Variants in SLC60A1 observed in about 807,000 individuals in gnomAD.
SLC60A1 encodes the protein major facilitator superfamily domain containing 4.
chr1:205,592,199 G>A, the SLC60A1 span: 1 of 1,614,156 alleles, frequency 6.2e-7, no homozygotes, highest in South Asian at 1.1e-5. Context: ...TCGTCTTCCT[G>A]TTCGTGGGGA....
chr1:205,585,915 G>A, the SLC60A1 span: 63 of 1,134,470 alleles, frequency 5.6e-5, no homozygotes, highest in African/African-American at 9.4e-4. This position sits in a 1 kb window ranked among gnomAD's most constrained non-coding sequence, Gnocchi z 4.2. Context: ...GCCTCTGGGA[G>A]TGGGAACAGG....
chr1:205,589,794 G>C, the SLC60A1 span, among the ~76,000 whole-genome samples: 1 of 152,156 alleles, frequency 6.6e-6, no homozygotes, highest in Admixed American at 6.5e-5. Context: ...TGGAAGAACA[G>C]ACTGTAGCTG....
At chr1:205,600,617 T>C in the SLC60A1 span, 1 of 643,632 alleles carries the variant, frequency 1.6e-6, no homozygotes, top group Non-Finnish European at 2.7e-6. Context: ...TTAAATTGAG[T>C]CCTGGTACCT....
the SLC60A1 span, among the ~76,000 whole-genome samples, chr1:205,574,492 C>T: frequency 6.6e-6 from 1 of 152,146 alleles, no homozygotes; most frequent in African/African-American, 2.4e-5. Context: ...TTAATTCACT[C>T]ATTCAACAAA....
chr1:205,597,952 C>T, the SLC60A1 span: 2 of 1,241,582 alleles, frequency 1.6e-6, no homozygotes, highest in Non-Finnish European at 2.4e-6. Flanking sequence ...CTGTCCCTTT[C>T]CTGAGTCTCC....
the SLC60A1 span, chr1:205,600,346 C>G: frequency 6.6e-7 from 1 of 1,524,546 alleles, no homozygotes; most frequent in Non-Finnish European, 9.1e-7. Flanking sequence ...CAGAATGAAT[C>G]ATCACTGCAA....
At chr1:205,578,895 C>A in the SLC60A1 span, among the ~76,000 whole-genome samples, 1 of 152,182 alleles carries the variant, frequency 6.6e-6, no homozygotes, top group African/African-American at 2.4e-5. Flanking sequence ...TCAGACTGGT[C>A]TCAGAAAATA....
the SLC60A1 span, chr1:205,580,939 G>A: frequency 1.9e-6 from 3 of 1,609,718 alleles, no homozygotes; most frequent in Non-Finnish European, 2.5e-6. This position sits in a 1 kb window ranked among gnomAD's most constrained non-coding sequence, Gnocchi z 5.0. Flanking sequence ...TCCCTGGGGT[G>A]GGCCAGGTAG....
chr1:205,594,072 T>A, the SLC60A1 span, among the ~76,000 whole-genome samples: 1 of 152,178 alleles, frequency 6.6e-6, no homozygotes, highest in Non-Finnish European at 1.5e-5. Context: ...CAGCCAGTCA[T>A]CATCCAGGCA....
the SLC60A1 span, chr1:205,586,005 G>A: frequency 1.2e-5 from 19 of 1,553,420 alleles, no homozygotes; most frequent in East Asian, 2.3e-5. Flanking sequence ...GGCTGCAGGT[G>A]TGCTCAACAG....
At chr1:205,572,227 G>T in the SLC60A1 span, among the ~76,000 whole-genome samples, 2 of 152,120 alleles carry the variant, frequency 1.3e-5, no homozygotes, top group African/African-American at 2.4e-5. Flanking sequence ...AGGGGAAGGG[G>T]TATTTAGATT....
chr1:205,588,489 A>AG, the SLC60A1 span, among the ~76,000 whole-genome samples: 14 of 139,778 alleles, frequency 1.0e-4, no homozygotes, highest in African/African-American at 3.7e-4. Context: ...AAAAAAAAAA[A>AG]AGAAAGAGAA....
the SLC60A1 span, among the ~76,000 whole-genome samples, chr1:205,572,909 C>T: frequency 8.5e-5 from 13 of 152,128 alleles, no homozygotes; most frequent in African/African-American, 3.1e-4. Flanking sequence ...ATTATTCATC[C>T]GAGTCAAAAA....
chr1:205,592,752 A>T, the SLC60A1 span, among the ~76,000 whole-genome samples: 1 of 151,778 alleles, frequency 6.6e-6, no homozygotes, highest in African/African-American at 2.4e-5. Flanking sequence ...GGCCGCAGAG[A>T]AGCAGTTAAG....
At chr1:205,600,550 C>T in the SLC60A1 span, 26 of 1,347,456 alleles carry the variant, frequency 1.9e-5, no homozygotes, top group Middle Eastern at 4.1e-4. Flanking sequence ...GTGGTGGAGG[C>T]GCTCTCTCAA....
At chr1:205,595,906 G>A in the SLC60A1 span, among the ~76,000 whole-genome samples, 44 of 152,304 alleles carry the variant, frequency 2.9e-4, no homozygotes, top group African/African-American at 1.0e-3. Flanking sequence ...TTCAGGGAAG[G>A]GAGTGAGGGG....
At chr1:205,581,541 C>T in the SLC60A1 span, among the ~76,000 whole-genome samples, 38 of 152,240 alleles carry the variant, frequency 2.5e-4, no homozygotes, top group Non-Finnish European at 5.4e-4. This position sits in a 1 kb window ranked among gnomAD's most constrained non-coding sequence, Gnocchi z 4.2. Flanking sequence ...GGATCTCTCA[C>T]GTTAGCCCAG....
chr1:205,592,202 C>T, the SLC60A1 span: 30 of 1,613,988 alleles, frequency 1.9e-5, no homozygotes, highest in African/African-American at 2.4e-4. Flanking sequence ...TCTTCCTGTT[C>T]GTGGGGACGG....
At chr1:205,584,046 A>G in the SLC60A1 span, 1 of 1,613,998 alleles carries the variant, frequency 6.2e-7, no homozygotes, top group Non-Finnish European at 8.5e-7. Context: ...CTGTCTGCTG[A>G]TGAGCTTGCC....
Sources: allele counts gnomAD v4.1 joint callset (sites outside exome capture counted in the v4.1 genomes callset), GRCh38; gene constraint gnomAD v4.1.1; non-coding constraint Gnocchi (gnomAD v3.1); transcripts MANE v1.5; gene names NCBI Gene and HGNC (gene_info 2026-07-23, HGNC 2026-07-21).